NREP: variants seen among roughly 807,000 people sequenced by gnomAD.
NREP encodes neuronal regeneration related protein.
In NREP, 5 loss-of-function variants were observed where a neutral mutation model predicts 8.6. The observed-to-expected ratio is 0.58, with a 90% confidence interval of 0.30 to 1.22. The LOEUF (loss-of-function observed/expected upper bound fraction) is 1.22. Among genes scored for constraint, NREP ranks in the 50% most tolerant of loss-of-function variants. The probability of loss-of-function intolerance (pLI) is 0.07; values close to 1 mark genes in which losing one functional copy is unlikely to be tolerated. For synonymous variants in NREP, 27 were observed against 28.0 expected, an observed-to-expected ratio of 0.96 and a Z score of 0.11; for missense variants, 86 against 82.5, an observed-to-expected ratio of 1.04 and a Z score of -0.17.
rs572711188 is a variant in NREP, at chr5:111,866,472, C to G, written c.135+108802G>C. Among the ~76,000 whole-genome samples the G allele has an allele frequency of 2.6e-4, 40 of 152,088 alleles. No homozygotes were observed. The East Asian group carries it at 3.7e-3, about 14-fold the overall frequency. Reference sequence around the variant, plus strand: ...ATACCATCTCACACCAGTTAGAATGCCGATCATTAAAAAGTCAGGAAACAA... The same window carrying G: ...ATACCATCTCACACCAGTTAGAATGGCGATCATTAAAAAGTCAGGAAACAA... On this transcript the variant is annotated intron_variant, in intron 2 of 3. Coordinates refer to the NREP transcript ENST00000395634.
chr5:111,950,577 C>A (rs911269817), intron 2 of NREP, among the ~76,000 whole-genome samples: 1 of 151,650 alleles, frequency 6.6e-6, no homozygotes, highest in African/African-American at 2.4e-5. Flanking sequence ...AGCTTCTGCA[C>A]GCAAAAGAAA....
intron 2 of NREP, among the ~76,000 whole-genome samples, chr5:111,868,215 T>C (rs1430698607): frequency 6.6e-6 from 1 of 152,162 alleles, no homozygotes; most frequent in East Asian, 1.9e-4. Context: ...GTCTCCAGTG[T>C]CTTTCCAAAT....
rs377664717 is a variant in NREP, at chr5:111,735,533, T to C, written c.4-26A>G. 5.5e-4 allele frequency: 852 copies of C among 1,552,512 alleles called. 2 individuals are homozygous for C. Among genetic ancestry groups the C allele is most frequent in the Non-Finnish European group, 7.2e-4 (816 of 1,126,330 alleles). ...CTATAGAGACACAAAAGCATACACA[T>C]TCAGATTAAAAACAGGATCCACTCT... On this transcript the variant is annotated intron_variant, in intron 2 of 3. Coordinates refer to ENST00000257435, the MANE Select transcript of NREP (RefSeq NM_004772.4).
At chr5:111,741,173 T>C (rs73787365) in intron 2 of NREP, among the ~76,000 whole-genome samples, 11,222 of 152,186 alleles carry the variant, frequency 0.074, 1,028 homozygotes, top group African/African-American at 0.22. Context: ...ATCTGTCTCC[T>C]GCAATTAGGA....
At chr5:111,859,070 G>A (rs932909247) in intron 2 of NREP, among the ~76,000 whole-genome samples, 2 of 152,088 alleles carry the variant, frequency 1.3e-5, no homozygotes, top group Admixed American at 6.5e-5. Flanking sequence ...ATGTGCCTCT[G>A]GTATCCTCTA....
chr5:111,815,712 G>A (rs1303798967), intron 2 of NREP, among the ~76,000 whole-genome samples: 1 of 151,884 alleles, frequency 6.6e-6, no homozygotes, highest in Non-Finnish European at 1.5e-5. Context: ...TCAAACCGAA[G>A]CACAGAAAGA....
In NREP at chr5:111,755,849, T is replaced by A; in HGVS notation, c.-58-19A>T. The A allele has an allele frequency of 6.2e-7, 1 of 1,613,140 alleles. No individual in the cohort carries two copies. On this transcript the variant is annotated intron_variant, in intron 1 of 3. Coordinates refer to ENST00000257435, the MANE Select transcript of NREP (RefSeq NM_004772.4). ...GACCAACCTGCAAAATATGTTTAAA[T>A]ACAGTAGACACATCGCCTCACCACA...
At chr5:111,735,568 C>A in intron 2 of NREP, 61 bp from the exon 3 acceptor site, 3 of 1,222,598 alleles carry the variant, frequency 2.5e-6, no homozygotes, top group Admixed American at 1.7e-5. Flanking sequence ...TGAAACTACA[C>A]GGGATAACCT....
At chr5:111,952,969 T>C (rs1756207013) in intron 2 of NREP, among the ~76,000 whole-genome samples, 1 of 152,126 alleles carries the variant, frequency 6.6e-6, no homozygotes, top group Non-Finnish European at 1.5e-5. Context: ...ATTATTTGCA[T>C]CATGAAGACA....
chr5:111,801,326 G>C (rs765137914), intron 2 of NREP, among the ~76,000 whole-genome samples: 2 of 152,092 alleles, frequency 1.3e-5, no homozygotes, highest in Non-Finnish European at 2.9e-5. Flanking sequence ...GAGAGAGGGG[G>C]TGCAGAGAGG....
chr5:111,731,298 C>T (rs573264934), intron 3 of NREP, among the ~76,000 whole-genome samples: 14 of 152,110 alleles, frequency 9.2e-5, no homozygotes, highest in East Asian at 1.9e-4. Flanking sequence ...GCTTCTGTTA[C>T]GGTGGTGCCA....
chr5:111,893,981 GC>G (rs1754451412), intron 2 of NREP, among the ~76,000 whole-genome samples: 1 of 152,080 alleles, frequency 6.6e-6, no homozygotes, highest in Non-Finnish European at 1.5e-5. Context: ...ACCTTGGGAG[GC>G]CGACGCAGGC....
intron 2 of NREP, among the ~76,000 whole-genome samples, chr5:111,737,395 A>G (rs1204983831): frequency 6.6e-6 from 1 of 152,236 alleles, no homozygotes; most frequent in African/African-American, 2.4e-5. Flanking sequence ...CACTTTAAAA[A>G]TCATATTTCA....
chr5:111,739,165 G>A (rs1360258106), intron 2 of NREP: 4 of 152,234 alleles, frequency 2.6e-5, no homozygotes, highest in Non-Finnish European at 4.4e-5. Flanking sequence ...TGTAATAGCT[G>A]CTGGAACATC....
chr5:111,793,428 G>C (rs1372967571), intron 2 of NREP, among the ~76,000 whole-genome samples: 1 of 152,098 alleles, frequency 6.6e-6, no homozygotes, highest in Non-Finnish European at 1.5e-5. Flanking sequence ...TCCAATAACC[G>C]AAGGCAGGAG....
At chr5:111,836,660 A>T (rs1169912360) in intron 2 of NREP, among the ~76,000 whole-genome samples, 2 of 152,000 alleles carry the variant, frequency 1.3e-5, no homozygotes, top group East Asian at 3.9e-4. Flanking sequence ...GAGAAGGGAG[A>T]GAGAGCATTC....
chr5:111,784,418 A>T (rs982936005), intron 2 of NREP, among the ~76,000 whole-genome samples: 1 of 152,174 alleles, frequency 6.6e-6, no homozygotes, highest in African/African-American at 2.4e-5. Context: ...TCTTTGCCTC[A>T]TATGGGGGAA....
chr5:111,787,436 A>G (rs1009244029), intron 2 of NREP, among the ~76,000 whole-genome samples: 1 of 152,206 alleles, frequency 6.6e-6, no homozygotes, highest in Non-Finnish European at 1.5e-5. Flanking sequence ...ACTACAGTAA[A>G]TGCATCTTTG....
intron 2 of NREP, among the ~76,000 whole-genome samples, chr5:111,748,457 AT>A (rs1293700025): frequency 6.6e-6 from 1 of 152,138 alleles, no homozygotes; most frequent in Non-Finnish European, 1.5e-5. Flanking sequence ...ATTGTCATGT[AT>A]CCATGACCAC....
Sources: gnomAD v4.1 joint callset for allele counts (sites outside exome capture counted in the v4.1 genomes callset) on GRCh38, gnomAD v4.1.1 for gene constraint, MANE v1.5 for transcripts, NCBI Gene and HGNC (gene_info 2026-07-23, HGNC 2026-07-21) for gene names.